Variants in MTMR8 observed in about 807,000 individuals in gnomAD.
The protein encoded by MTMR8 is phosphatidylinositol-3,5-bisphosphate 3-phosphatase MTMR8.
Under a neutral mutation model 39.3 loss-of-function variants are expected in MTMR8, and 65 were observed. The ratio of observed to expected loss-of-function variants is 1.65; its 90% CI spans 1.35 to 2.03. The LOEUF is 2.03. Among genes scored for constraint, MTMR8 ranks in the 30% most tolerant of loss-of-function variants. MTMR8 has a pLI of 0.00. For missense variants in MTMR8, 777 were observed against 538.9 expected (o/e 1.44, Z -4.37); for synonymous variants, 245 against 185.2 (o/e 1.32, Z -2.62).
intron 12 of MTMR8, among the ~76,000 whole-genome samples, chrX:64,296,111 A>G (rs1569212696): frequency 8.9e-6 from 1 of 112,016 alleles, no homozygotes; most frequent in East Asian, 2.8e-4. Flanking sequence ...ACAATAGAAT[A>G]TTTTTCAGCC....
chrX:64,359,571 A>T (rs780290476), intron 1 of MTMR8, 44 bp from the exon 2 acceptor site: 1 of 1,151,519 alleles, frequency 8.7e-7, no homozygotes, highest in Non-Finnish European at 1.2e-6. Flanking sequence ...CCAACTCACC[A>T]CCTATGATTG....
chrX:64,287,855 T>C (rs1488268948), intron 12 of MTMR8, among the ~76,000 whole-genome samples: 1 of 105,574 alleles, frequency 9.5e-6, no homozygotes, highest in Non-Finnish European at 2.0e-5. Context: ...CCTAAAACCA[T>C]AAAAACCCTA....
chrX:64,355,457 T>G (rs1324798074), intron 3 of MTMR8, among the ~76,000 whole-genome samples: 1 of 111,945 alleles, frequency 8.9e-6, no homozygotes, highest in Non-Finnish European at 1.9e-5. Context: ...ATAACTCATT[T>G]GACCAATTTA....
At chrX:64,322,275 G>T (rs1382609646) in intron 12 of MTMR8, among the ~76,000 whole-genome samples, 1 of 111,031 alleles carries the variant, frequency 9.0e-6, no homozygotes, top group Non-Finnish European at 1.9e-5. Context: ...GGGATTACAG[G>T]TGTGAGCCAC....
intron 2 of MTMR8, among the ~76,000 whole-genome samples, chrX:64,357,363 T>C (rs961347819): frequency 1.8e-5 from 2 of 111,803 alleles, no homozygotes; most frequent in Admixed American, 1.9e-4. Context: ...ATGAAGTCTT[T>C]CAATCATATC....
chrX:64,376,012 G>A (rs951947890), intron 1 of MTMR8, among the ~76,000 whole-genome samples: 15 of 111,658 alleles, frequency 1.3e-4, no homozygotes, highest in Non-Finnish European at 1.9e-4. Flanking sequence ...GTTCCACCAT[G>A]TGAAGATGTG....
At chrX:64,387,125 C>A (rs1009633569) in intron 1 of MTMR8, among the ~76,000 whole-genome samples, 44 of 111,586 alleles carry the variant, frequency 3.9e-4, no homozygotes, top group African/African-American at 1.4e-3. Context: ...AAAAGAAAAA[C>A]ATCAGTGTCA....
chrX:64,268,343 T>C lies in MTMR8; in HGVS notation c.*194A>G. 1 of 426,732 alleles carries C rather than the reference T, an allele frequency of 2.3e-6. No homozygotes were observed. The highest frequency in any genetic ancestry group is 3.9e-6 in the Non-Finnish European group (1 of 256,226). The allele number at this position is 426,732 out of a possible 1,213,427, so 35.2% of individuals were successfully genotyped here. On this transcript the variant is annotated 3_prime_UTR_variant, in exon 14 of 14. Transcript: ENST00000374852. ...ACAATAACATATTCTTTCTCTTGCC[T>C]ACACTCTGTACTGCTTAATATGAAC...
chrX:64,382,399 C>T (rs1324038399), intron 1 of MTMR8, among the ~76,000 whole-genome samples: 3 of 111,290 alleles, frequency 2.7e-5, no homozygotes, highest in Admixed American at 1.9e-4. Context: ...ATTTGGCTCT[C>T]TATTTGTCTG....
intron 3 of MTMR8, 144 bp downstream of exon 3, chrX:64,356,032 T>C (rs1348528940): frequency 1.8e-6 from 1 of 541,963 alleles, no homozygotes; most frequent in Non-Finnish European, 3.0e-6. Flanking sequence ...TCAGAGGTTA[T>C]ATAACTTGCC....
intron 12 of MTMR8, among the ~76,000 whole-genome samples, chrX:64,284,325 G>A (rs771772683): frequency 8.9e-6 from 1 of 112,145 alleles, no homozygotes; most frequent in South Asian, 3.8e-4. Context: ...GGGACTATGT[G>A]AAAAGACCAA....
chrX:64,289,164 G>A (rs1921310162), intron 12 of MTMR8, among the ~76,000 whole-genome samples: 1 of 110,366 alleles, frequency 9.1e-6, no homozygotes, highest in Non-Finnish European at 1.9e-5. Context: ...TTAAAAAGAT[G>A]TTCAACAACA....
At chrX:64,284,078 A>G (rs1005723272) in intron 12 of MTMR8, among the ~76,000 whole-genome samples, 1 of 111,684 alleles carries the variant, frequency 9.0e-6, no homozygotes, top group African/African-American at 3.3e-5. Flanking sequence ...AACACTGAAA[A>G]CAGATTAGAT....
rs769939975 is a variant in MTMR8, at chrX:64,325,044, C to A, written c.1481+3728G>T. On this transcript the variant is annotated intron_variant, in intron 12 of 13. Transcript: ENST00000374852. Reference sequence around the variant, plus strand: ...TCAGGAACAATTCTATGCCAGAAAACCCAGATAACCTATAAAAAATGGATA... The same window carrying A: ...TCAGGAACAATTCTATGCCAGAAAAACCAGATAACCTATAAAAAATGGATA... 3.6e-5 allele frequency among the ~76,000 whole-genome samples: 4 copies of A among 110,759 alleles called. No individual in the cohort carries two copies. The South Asian group carries it at 1.1e-3, about 32-fold the overall frequency.
intron 8 of MTMR8, among the ~76,000 whole-genome samples, chrX:64,341,479 CAAAAAAAAAAAA>C (rs758580930): frequency 3.9e-5 from 1 of 25,547 alleles, no homozygotes; most frequent in Admixed American, 4.8e-4. Flanking sequence ...AACTCTGTCT[CAAAAAAAAAAAA>C]AAAAAAAAAA....
intron 12 of MTMR8, among the ~76,000 whole-genome samples, chrX:64,317,334 A>C (rs1350393134): frequency 9.1e-6 from 1 of 110,451 alleles, no homozygotes; most frequent in African/African-American, 3.3e-5. Flanking sequence ...CAATTATACA[A>C]GTGTTAGAAC....
intron 1 of MTMR8, among the ~76,000 whole-genome samples, chrX:64,394,111 G>A (rs1924762439): frequency 8.9e-6 from 1 of 111,756 alleles, no homozygotes; most frequent in African/African-American, 3.2e-5. Flanking sequence ...TTACATGCAT[G>A]GCAGCAGGCA....
chrX:64,293,436 C>T (rs1921468058), intron 12 of MTMR8, among the ~76,000 whole-genome samples: 2 of 111,223 alleles, frequency 1.8e-5, no homozygotes, highest in South Asian at 3.8e-4. Context: ...TACATTGGAC[C>T]CTAAGGGACA....
At chrX:64,315,322 G>A (rs368469550) in intron 12 of MTMR8, among the ~76,000 whole-genome samples, 6 of 111,531 alleles carry the variant, frequency 5.4e-5, no homozygotes, top group East Asian at 2.8e-4. Flanking sequence ...TGGTGGCCCC[G>A]TGCAGGGTCC....
Sources: gnomAD v4.1 joint callset for allele counts (sites outside exome capture counted in the v4.1 genomes callset) on GRCh38, gnomAD v4.1.1 for gene constraint, MANE v1.5 for transcripts, NCBI Gene and HGNC (gene_info 2026-07-23, HGNC 2026-07-21) for gene names.